ASIC2: variants seen among roughly 807,000 people sequenced by gnomAD.
ASIC2 encodes the protein acid sensing ion channel subunit 2.
ASIC2 carries 25 observed loss-of-function variants against 57.3 expected under a neutral mutation model. The observed-to-expected ratio is 0.44, with a 90% CI of 0.32 to 0.61. The LOEUF (loss-of-function observed/expected upper bound fraction) is 0.61, where lower values mean the gene tolerates loss of function less well. ASIC2 is among the 20% of genes least tolerant of loss of function. The probability of loss-of-function intolerance (pLI) is 0.06; values close to 1 mark genes in which losing one functional copy is unlikely to be tolerated. For synonymous variants in ASIC2, 319 were observed against 307.5 expected (o/e 1.04, Z -0.39); for missense variants, 641 against 738.1 (o/e 0.87, Z 1.52).
At chr17:33,917,145 C>A (rs1166028734) in intron 1 of ASIC2, among the ~76,000 whole-genome samples, 1 of 152,150 alleles carries the variant, frequency 6.6e-6, no homozygotes, top group African/African-American at 2.4e-5. Context: ...TCTTCCTCCC[C>A]ACAAATGTTG....
At chr17:33,700,465 T>C (rs1908661520) in intron 1 of ASIC2, among the ~76,000 whole-genome samples, 1 of 151,992 alleles carries the variant, frequency 6.6e-6, no homozygotes, top group African/African-American at 2.4e-5. Flanking sequence ...ACAAAATACA[T>C]GAAGAAGCAA....
intron 1 of ASIC2, among the ~76,000 whole-genome samples, chr17:33,672,942 G>A (rs1391591262): frequency 2.0e-5 from 3 of 152,106 alleles, no homozygotes; most frequent in Non-Finnish European, 4.4e-5. Flanking sequence ...TTGTGAAATG[G>A]GTCAATAAAA....
intron 1 of ASIC2, among the ~76,000 whole-genome samples, chr17:33,874,141 C>T (rs548536358): frequency 6.6e-6 from 1 of 152,280 alleles, no homozygotes; most frequent in African/African-American, 2.4e-5. Flanking sequence ...GTAGAAGTGA[C>T]CATCTAGCGA....
At chr17:33,255,497 C>T (rs1909033237) in intron 1 of ASIC2, among the ~76,000 whole-genome samples, 1 of 149,750 alleles carries the variant, frequency 6.7e-6, no homozygotes, top group South Asian at 2.1e-4. Context: ...AAACAGGTGA[C>T]TATATGCTTA....
intron 1 of ASIC2, among the ~76,000 whole-genome samples, chr17:33,674,572 G>A (rs1179621725): frequency 6.6e-6 from 1 of 152,210 alleles, no homozygotes; most frequent in Non-Finnish European, 1.5e-5. Flanking sequence ...TAAGTCTTGT[G>A]TCCCTATGAA....
At chr17:33,640,836 C>T (rs1294231889) in intron 1 of ASIC2, among the ~76,000 whole-genome samples, 2 of 152,192 alleles carry the variant, frequency 1.3e-5, no homozygotes, top group Non-Finnish European at 2.9e-5. Flanking sequence ...CTGCGAGAGT[C>T]AGGTTTCATC....
chr17:33,423,546 C>CT (rs1197716690), intron 1 of ASIC2, among the ~76,000 whole-genome samples: 2 of 152,172 alleles, frequency 1.3e-5, no homozygotes, highest in Non-Finnish European at 2.9e-5. Context: ...TCAGACTTAG[C>CT]TTTTTGTCCT....
chr17:33,779,622 A>G (rs1269264871), intron 1 of ASIC2, among the ~76,000 whole-genome samples: 2 of 152,156 alleles, frequency 1.3e-5, no homozygotes, highest in East Asian at 3.9e-4. Flanking sequence ...GTTGTGGGGA[A>G]AGTGTGGGAG....
At chr17:33,697,699 T>G (rs976411790) in intron 1 of ASIC2, among the ~76,000 whole-genome samples, 1 of 151,982 alleles carries the variant, frequency 6.6e-6, no homozygotes, top group Non-Finnish European at 1.5e-5. Flanking sequence ...CCAGAGAGAG[T>G]CCCTTGACTA....
At chr17:34,146,615 A>G (rs1324147646) in intron 1 of ASIC2, 1 of 152,220 alleles carries the variant, frequency 6.6e-6, no homozygotes, top group Admixed American at 6.5e-5. Context: ...TAATCCTGTC[A>G]GTCAGTCACT....
chr17:33,773,085 G>T (rs1911164927), intron 1 of ASIC2, among the ~76,000 whole-genome samples: 1 of 152,112 alleles, frequency 6.6e-6, no homozygotes, highest in African/African-American at 2.4e-5. Context: ...GTAGTGAAAT[G>T]GTTCAAACTC....
chr17:33,486,461 A>T (rs1913578828), intron 1 of ASIC2, among the ~76,000 whole-genome samples: 1 of 152,176 alleles, frequency 6.6e-6, no homozygotes, highest in Non-Finnish European at 1.5e-5. Flanking sequence ...AGCACCTGGC[A>T]TACGGTTTGA....
intron 3 of ASIC2, among the ~76,000 whole-genome samples, chr17:33,053,568 C>T (rs1424554565): frequency 6.6e-6 from 1 of 152,144 alleles, no homozygotes; most frequent in African/African-American, 2.4e-5. Context: ...AGGACTGTTG[C>T]AAGAGCTTCT....
At chr17:33,261,239 C>T (rs897688727) in intron 1 of ASIC2, among the ~76,000 whole-genome samples, 8 of 152,218 alleles carry the variant, frequency 5.3e-5, no homozygotes, top group South Asian at 2.1e-4. Context: ...TTTCCACCTA[C>T]GCTCTTGAGC....
chr17:33,480,505 A>G (rs1448431460), intron 1 of ASIC2, among the ~76,000 whole-genome samples: 1 of 152,116 alleles, frequency 6.6e-6, no homozygotes, highest in Non-Finnish European at 1.5e-5. Flanking sequence ...AAAGTCCATG[A>G]GGTGGTGGAG....
intron 1 of ASIC2, among the ~76,000 whole-genome samples, chr17:33,953,442 C>G (rs371724866): frequency 1.3e-5 from 2 of 151,870 alleles, no homozygotes; most frequent in Non-Finnish European, 2.9e-5. Context: ...ACACTGTGAT[C>G]GTAATTTTGT....
chr17:34,136,050 G>A (rs1912118472), intron 1 of ASIC2, among the ~76,000 whole-genome samples: 1 of 152,124 alleles, frequency 6.6e-6, no homozygotes, highest in African/African-American at 2.4e-5. Flanking sequence ...TCATGACAGG[G>A]CAGGAGTCAG....
chr17:33,291,941 G>C lies in ASIC2; in HGVS notation c.175C>G (p.Pro59Ala), dbSNP rs533350317. The C allele has an allele frequency of 6.5e-7, 1 of 1,528,138 alleles. No homozygotes were observed. The highest frequency in any genetic ancestry group is 2.5e-5 in the East Asian group (1 of 40,778). The allele number at this position is 1,528,138 out of a possible 1,614,324, so 94.7% of individuals were successfully genotyped here. A position where few individuals can be genotyped will look rare whatever the true frequency, so the allele number is the denominator to read the frequency against. The change falls in exon 1 of 10, where the codon CCA (proline) becomes GCA (alanine). Residue 59 changes from proline to alanine, a missense_variant. Transcript: ENST00000225823. ...TGCAGTTTAGCGCGGCTCAGCGATG[G>C]CCGCCCCCTGCGGGCGACCCCTGGC... ...QGPGVARRGR[P>A]SLSRAKLHGL...
intron 1 of ASIC2, among the ~76,000 whole-genome samples, chr17:33,651,067 G>C (rs1265369876): frequency 6.6e-6 from 1 of 151,966 alleles, no homozygotes; most frequent in Non-Finnish European, 1.5e-5. Context: ...TTTTAAGATA[G>C]AAAGTTTAAT....
Sources: allele counts gnomAD v4.1 joint callset (sites outside exome capture counted in the v4.1 genomes callset), GRCh38; gene constraint gnomAD v4.1.1; transcripts MANE v1.5; gene names NCBI Gene and HGNC (gene_info 2026-07-23, HGNC 2026-07-21).